Variants in FRAS1 observed in about 807,000 individuals in gnomAD.
The protein encoded by FRAS1 is extracellular matrix organizing protein FRAS1.
In FRAS1, 290 loss-of-function variants were observed where a neutral mutation model predicts 435.2. That is an observed-to-expected ratio of 0.67 (90% confidence interval 0.61 to 0.73). The LOEUF is 0.73. Among genes scored for constraint, FRAS1 ranks in the 30% least tolerant of loss-of-function variants. The pLI, the probability that FRAS1 is intolerant of heterozygous loss-of-function variation, is 0.00. For synonymous variants in FRAS1, 1,800 were observed against 1,851.0 expected (o/e 0.97, Z 0.71); for missense variants, 4,860 against 5,001.5 (o/e 0.97, Z 0.85).
At position 78,375,838 on chromosome 4, in the gene FRAS1, T is replaced by C; in HGVS notation, c.3251T>C (p.Val1084Ala). Reference protein sequence around the residue: ...LKSGLCVYNCVPGFSVHTSNE... With the variant: ...LKSGLCVYNCAPGFSVHTSNE... ...AGTGGCCTCTGTGTTTACAACTGTG[T>C]TCCTGGCTTTTCTGTCCACACCTCT... Residue 1084 changes from valine (V) to alanine (A), a missense_variant, in exon 26 of 74, where the codon GTT becomes GCT. Transcript: ENST00000512123. The C allele has an allele frequency of 1.9e-6, 3 of 1,613,882 alleles. No homozygotes were observed. Among genetic ancestry groups the C allele is most frequent in the Non-Finnish European group, 8.5e-7 (1 of 1,179,842 alleles).
At chr4:78,232,289 T>C (rs1724548888) in intron 2 of FRAS1, among the ~76,000 whole-genome samples, 1 of 121,752 alleles carries the variant, frequency 8.2e-6, no homozygotes, top group South Asian at 2.3e-4. Context: ...ACAAGGAAGA[T>C]TTTTTTTTTT....
chr4:78,536,969 T>G (rs1721905001), intron 71 of FRAS1, 26 bp from the exon 72 acceptor site: 2 of 1,591,714 alleles, frequency 1.3e-6, no homozygotes, highest in Admixed American at 3.3e-5. Flanking sequence ...AAGTCTGACC[T>G]AATTAATACC....
rs144972777 is a variant in FRAS1 at position 78,454,578 on chromosome 4, C to A, written c.6763+2224C>A. Among the ~76,000 whole-genome samples the A allele has an allele frequency of 1.1e-3, 165 of 152,306 alleles. 1 individual carries two copies. Among genetic ancestry groups the A allele is most frequent in the African/African-American group, 3.9e-3 (163 of 41,568 alleles). On this transcript the variant is annotated intron_variant, in intron 47 of 73. Transcript: ENST00000512123. ...GCTGAGATATTAGATAAATAATTCACGAGCTAATTGTCTCCGCCAGAATTC... is the reference window on the plus strand; with the variant it reads ...GCTGAGATATTAGATAAATAATTCAAGAGCTAATTGTCTCCGCCAGAATTC...
intron 2 of FRAS1, among the ~76,000 whole-genome samples, chr4:78,138,914 G>A (rs1720039149): frequency 6.6e-6 from 1 of 152,088 alleles, no homozygotes; most frequent in South Asian, 2.1e-4. Flanking sequence ...GAATCCTGAA[G>A]ATCTCTCTAA....
Position 78,318,992 on chromosome 4 carries a change from C to T in FRAS1, c.2137+6C>T, listed in dbSNP as rs1380269988. ...GAGCACTGGCATATGTGAAGGTAAGCATGATTTGAGAAAGTGTTAGGTAGC... is the reference window on the plus strand; with the variant it reads ...GAGCACTGGCATATGTGAAGGTAAGTATGATTTGAGAAAGTGTTAGGTAGC... On this transcript the variant is annotated splice_donor_region_variant and intron_variant, in intron 18 of 73. Transcript: ENST00000512123. 2.5e-6 allele frequency: 4 copies of T among 1,613,428 alleles called. No homozygotes were observed. Among genetic ancestry groups the T allele is most frequent in the African/African-American group, 1.3e-5 (1 of 74,874 alleles).
chr4:78,072,345 C>G (rs1294828589), intron 2 of FRAS1, among the ~76,000 whole-genome samples: 2 of 152,122 alleles, frequency 1.3e-5, no homozygotes, highest in African/African-American at 4.8e-5. Flanking sequence ...AGTTAACACA[C>G]AAGAGATAGC....
chr4:78,395,564 A>G lies in FRAS1; in HGVS notation c.3976-5170A>G, dbSNP rs138525076. ...GCTAATGTTATGTGCATATATATTT[A>G]CAATTATTATATCTGCTAGATGGAT... On this transcript the variant is annotated intron_variant, in intron 29 of 73. Coordinates refer to ENST00000512123, the MANE Select transcript of FRAS1 (RefSeq NM_025074.7). 9.4e-4 allele frequency among the ~76,000 whole-genome samples: 143 copies of G among 152,102 alleles called. 2 individuals are homozygous for G. The East Asian group carries it at 0.023, about 25-fold the overall frequency.
chr4:78,069,803 A>C (rs201923752), intron 2 of FRAS1, among the ~76,000 whole-genome samples: 1 of 134,694 alleles, frequency 7.4e-6, no homozygotes, highest in Non-Finnish European at 1.6e-5. Flanking sequence ...TTTTTTTTTT[A>C]ACTTACTTTA....
At position 78,291,009 on chromosome 4, in the gene FRAS1, G is replaced by A. The variant is rs775717259; in HGVS notation, c.1534+4470G>A. 4.6e-5 allele frequency among the ~76,000 whole-genome samples: 7 copies of A among 151,924 alleles called. No individual in the cohort carries two copies. In the South Asian group the frequency reaches 6.2e-4, roughly 14 times the overall value. ...TCAAACTCCTGACCTCAGGTGATCC[G>A]CCCGCCTTGGCCTCCCAAAGTGCTG... On this transcript the variant is annotated intron_variant, in intron 14 of 73. Coordinates refer to ENST00000512123, the MANE Select transcript of FRAS1 (RefSeq NM_025074.7).
intron 56 of FRAS1, among the ~76,000 whole-genome samples, chr4:78,479,997 C>T (rs1000966577): frequency 6.6e-6 from 1 of 152,138 alleles, no homozygotes; most frequent in Admixed American, 6.5e-5. Flanking sequence ...TATTTTGATA[C>T]AGGCATGTAA....
At chr4:78,363,786 G>A (rs1470801187) in intron 21 of FRAS1, 121 bp downstream of exon 21, 4 of 1,420,474 alleles carry the variant, frequency 2.8e-6, no homozygotes, top group Non-Finnish European at 3.8e-6. Context: ...CCACTTCCAT[G>A]GGACTGTAAA....
chr4:78,126,802 G>A (rs952518058), intron 2 of FRAS1, among the ~76,000 whole-genome samples: 1 of 152,100 alleles, frequency 6.6e-6, no homozygotes, highest in African/African-American at 2.4e-5. Flanking sequence ...TATTGATATA[G>A]AGTACCATTA....
intron 54 of FRAS1, among the ~76,000 whole-genome samples, chr4:78,476,492 A>G (rs1458661384): frequency 6.6e-6 from 1 of 152,106 alleles, no homozygotes; most frequent in Non-Finnish European, 1.5e-5. Flanking sequence ...AAGCAACTTT[A>G]TTGTTATTAT....
intron 29 of FRAS1, among the ~76,000 whole-genome samples, chr4:78,397,292 G>A (rs1732709976): frequency 6.6e-6 from 1 of 152,208 alleles, no homozygotes; most frequent in East Asian, 1.9e-4. Context: ...CCCTTCAGGG[G>A]CAGTCTTATG....
chr4:78,382,591 A>G (rs1042242271), intron 27 of FRAS1, among the ~76,000 whole-genome samples: 2 of 152,220 alleles, frequency 1.3e-5, no homozygotes, highest in African/African-American at 4.8e-5. Flanking sequence ...AATGGGACAG[A>G]AAATGAAGGG....
chr4:78,115,767 T>G (rs1343471455), intron 2 of FRAS1, among the ~76,000 whole-genome samples: 1 of 152,180 alleles, frequency 6.6e-6, no homozygotes, highest in East Asian at 1.9e-4. Flanking sequence ...TTGTTGATCT[T>G]TTCAAAAAAT....
intron 7 of FRAS1, 77 bp downstream of exon 7, chr4:78,265,185 A>G (rs1382481667): frequency 3.6e-6 from 3 of 841,820 alleles, no homozygotes; most frequent in Non-Finnish European, 3.8e-6. Flanking sequence ...TCCAGCCACC[A>G]TAAGTCACCA....
intron 15 of FRAS1, among the ~76,000 whole-genome samples, chr4:78,311,726 G>A (rs370642439): frequency 8.5e-5 from 13 of 152,220 alleles, no homozygotes; most frequent in African/African-American, 3.1e-4. Context: ...CCACCACTTG[G>A]CATGATCAAG....
intron 37 of FRAS1, among the ~76,000 whole-genome samples, chr4:78,431,518 T>G (rs1734221476): frequency 6.6e-6 from 1 of 152,174 alleles, no homozygotes; most frequent in African/African-American, 2.4e-5. Context: ...ATGAGTAAAT[T>G]CTTCAATCTC....
Sources: gnomAD v4.1 joint callset for allele counts (sites outside exome capture counted in the v4.1 genomes callset) on GRCh38, gnomAD v4.1.1 for gene constraint, MANE v1.5 for transcripts, NCBI Gene and HGNC (gene_info 2026-07-23, HGNC 2026-07-21) for gene names.